GPR158: variants seen among roughly 807,000 people sequenced by gnomAD.
The protein encoded by GPR158 is metabotropic glycine receptor.
Under a neutral mutation model 78.2 loss-of-function variants are expected in GPR158, and 30 were observed. The observed-to-expected ratio is 0.38, with a 90% CI of 0.29 to 0.52. GPR158 has a LOEUF of 0.52. Among genes scored for constraint, GPR158 ranks in the 20% least tolerant of loss-of-function variants. GPR158 has a pLI of 0.83. For synonymous variants in GPR158, 581 were observed against 591.1 expected (o/e 0.98, Z 0.25); for missense variants, 1,463 against 1,523.5 (o/e 0.96, Z 0.66).
At chr10:25,583,722 C>T (rs1190975061) in intron 7 of GPR158, among the ~76,000 whole-genome samples, 1 of 151,874 alleles carries the variant, frequency 6.6e-6, no homozygotes, top group African/African-American at 2.4e-5. Flanking sequence ...TAGAAGAGGA[C>T]ATTAAAAGAG....
chr10:25,582,800 TTCA>T (rs1837220598), intron 7 of GPR158, among the ~76,000 whole-genome samples: 1 of 152,206 alleles, frequency 6.6e-6, no homozygotes, highest in African/African-American at 2.4e-5. Context: ...CCCGGGTCCA[TTCA>T]ACAGATGTCA....
At chr10:25,256,746 G>T (rs1853894583) in intron 2 of GPR158, among the ~76,000 whole-genome samples, 1 of 152,070 alleles carries the variant, frequency 6.6e-6, no homozygotes, top group Admixed American at 6.6e-5. Flanking sequence ...GTCCTCCTTT[G>T]TTGTCCTGTT....
intron 1 of GPR158, among the ~76,000 whole-genome samples, chr10:25,202,985 C>T (rs1445907845): frequency 6.6e-6 from 1 of 152,110 alleles, no homozygotes; most frequent in Admixed American, 6.6e-5. Context: ...TGGTTTTGAT[C>T]TGCATTTCTC....
At chr10:25,569,591 C>G (rs1041960171) in intron 6 of GPR158, among the ~76,000 whole-genome samples, 1 of 152,188 alleles carries the variant, frequency 6.6e-6, no homozygotes, top group Non-Finnish European at 1.5e-5. Context: ...GAGAACCAAA[C>G]TTTGCTTCCT....
intron 2 of GPR158, among the ~76,000 whole-genome samples, chr10:25,332,971 G>T (rs1258249543): frequency 6.6e-6 from 1 of 152,090 alleles, no homozygotes; most frequent in Non-Finnish European, 1.5e-5. Flanking sequence ...GTTCATTCTT[G>T]CCTGACATGA....
At chr10:25,336,223 C>G (rs1232027937) in intron 2 of GPR158, among the ~76,000 whole-genome samples, 1 of 151,924 alleles carries the variant, frequency 6.6e-6, no homozygotes, top group East Asian at 1.9e-4. Context: ...ATGGATAAAT[C>G]AATTCTTTAT....
intron 4 of GPR158, among the ~76,000 whole-genome samples, chr10:25,421,052 G>A (rs182851059): frequency 8.1e-4 from 124 of 152,242 alleles, no homozygotes; most frequent in African/African-American, 2.9e-3. Context: ...GCTTTGGGTA[G>A]TATTGACATC....
intron 2 of GPR158, among the ~76,000 whole-genome samples, chr10:25,341,056 C>T (rs1230068494): frequency 6.6e-6 from 1 of 151,970 alleles, no homozygotes; most frequent in Non-Finnish European, 1.5e-5. Flanking sequence ...AGTGTAATGA[C>T]ATCTTCAAAA....
At chr10:25,339,654 CTTATTATA>C (rs1428754906) in intron 2 of GPR158, among the ~76,000 whole-genome samples, 1 of 151,920 alleles carries the variant, frequency 6.6e-6, no homozygotes, top group Non-Finnish European at 1.5e-5. Context: ...GTAGATAATC[CTTATTATA>C]TTAAGGAAGG....
intron 7 of GPR158, among the ~76,000 whole-genome samples, chr10:25,573,445 C>T (rs1837041183): frequency 6.6e-6 from 1 of 152,164 alleles, no homozygotes; most frequent in African/African-American, 2.4e-5. Context: ...AGCCATGCTC[C>T]ATGAGTGTAG....
At chr10:25,296,196 A>G (rs1359541934) in intron 2 of GPR158, among the ~76,000 whole-genome samples, 1 of 152,114 alleles carries the variant, frequency 6.6e-6, no homozygotes, top group Non-Finnish European at 1.5e-5. Context: ...TTTGTACACT[A>G]TATCAGCCAA....
chr10:25,594,482 T>G, intron 9 of GPR158, 85 bp downstream of exon 9: 1 of 561,366 alleles, frequency 1.8e-6, no homozygotes, highest in Non-Finnish European at 3.1e-6. Context: ...AAAGGAGGTA[T>G]GGAAATTTGC....
At chr10:25,206,817 T>C (rs1251871638) in intron 1 of GPR158, among the ~76,000 whole-genome samples, 1 of 151,754 alleles carries the variant, frequency 6.6e-6, no homozygotes, top group East Asian at 1.9e-4. Context: ...TGACAGGTGA[T>C]TTTTAAAGGT....
chr10:25,366,289 A>G (rs1350876856), intron 2 of GPR158, among the ~76,000 whole-genome samples: 1 of 151,614 alleles, frequency 6.6e-6, no homozygotes, highest in African/African-American at 2.4e-5. Context: ...GTTATTTTCA[A>G]ATTTAATAGA....
chr10:25,196,933 T>C (rs983544305), intron 1 of GPR158, among the ~76,000 whole-genome samples: 1 of 152,234 alleles, frequency 6.6e-6, no homozygotes, highest in Non-Finnish European at 1.5e-5. Flanking sequence ...CAAGCTGTCC[T>C]GCATGAGCAT....
At chr10:25,585,826 A>T (rs1336424774) in intron 7 of GPR158, among the ~76,000 whole-genome samples, 1 of 152,066 alleles carries the variant, frequency 6.6e-6, no homozygotes, top group Admixed American at 6.6e-5. Flanking sequence ...TAAAATTACA[A>T]AAATTAACCA....
chr10:25,203,301 T>C (rs960210732), intron 1 of GPR158, among the ~76,000 whole-genome samples: 17 of 152,218 alleles, frequency 1.1e-4, no homozygotes, highest in Admixed American at 1.0e-3. Context: ...CTATTGCTTT[T>C]GGTGTTTTAG....
At chr10:25,395,661 T>C (rs1834354721) in intron 2 of GPR158, among the ~76,000 whole-genome samples, 1 of 152,184 alleles carries the variant, frequency 6.6e-6, no homozygotes, top group Non-Finnish European at 1.5e-5. Context: ...ATTAACTCAT[T>C]CCATTGCCAC....
intron 4 of GPR158, among the ~76,000 whole-genome samples, chr10:25,430,570 A>G (rs1163337921): frequency 1.3e-5 from 2 of 150,966 alleles, no homozygotes; most frequent in African/African-American, 4.9e-5. Flanking sequence ...CCTAAGCCAA[A>G]AGAACAAAGC....
Sources: allele counts gnomAD v4.1 joint callset (sites outside exome capture counted in the v4.1 genomes callset), GRCh38; gene constraint gnomAD v4.1.1; transcripts MANE v1.5; gene names NCBI Gene and HGNC (gene_info 2026-07-23, HGNC 2026-07-21).